Variants in IGFN1 observed in about 807,000 individuals in gnomAD.
IGFN1 encodes immunoglobulin like and fibronectin type III domain containing 1, also known as immunoglobulin-like and fibronectin type III domain-containing protein 1.
In IGFN1, 253 loss-of-function variants were observed where a neutral mutation model predicts 289.5. That is an observed-to-expected ratio of 0.87 (90% confidence interval 0.79 to 0.97). The LOEUF (loss-of-function observed/expected upper bound fraction) is 0.97. Ranked by LOEUF, IGFN1 falls within the 50% of genes least tolerant of loss-of-function variation. The probability of loss-of-function intolerance (pLI) is 0.00; values close to 1 mark genes in which losing one functional copy is unlikely to be tolerated. For synonymous variants in IGFN1, 1,706 were observed against 1,788.5 expected (o/e 0.95, Z 1.16); for missense variants, 4,470 against 4,686.1 (o/e 0.95, Z 1.35).
Position 201,227,101 on chromosome 1 carries a change from G to T in IGFN1, c.11006G>T (p.Cys3669Phe). The change falls in exon 23 of 24, where the codon TGC becomes TTC. Residue 3669 changes from cysteine (C) to phenylalanine (F), a missense_variant. This residue lies in a region of IGFN1 where 2,218 missense variants were observed against 2,114.1 expected (regional missense o/e 1.05). Transcript: ENST00000335211. ...TACAGCACTGACCTGCTGGGCGTGT[G>T]CTCCCTCACCATCCCCAGCGTATCC... ...AVYSTDLLGV[C>F]SLTIPSVSPK... The T allele has an allele frequency of 6.2e-7, 1 of 1,613,572 alleles. No individual in the cohort carries two copies. The highest frequency in any genetic ancestry group is 8.5e-7 in the Non-Finnish European group (1 of 1,180,020).
Position 201,194,190 on chromosome 1 carries a change from T to C in IGFN1, c.44T>C (p.Ile15Thr). The stretch of plus-strand genomic sequence containing the variant: ...AAGTCCCACATCCCTGGAGTGAGCA[T>C]CTGGCAGCTGGTGGAGGAGATCCCT... ...LRKSHIPGVSIWQLVEEIPEG... is the reference protein window; with the variant it reads ...LRKSHIPGVSTWQLVEEIPEG... Residue 15 changes from isoleucine to threonine, a missense_variant, in exon 3 of 24, where the codon ATC becomes ACC. Physicochemically the swap from Ile to Thr is moderately conservative, Grantham distance 89. Transcript: ENST00000335211. The C allele has an allele frequency of 6.4e-7, 1 of 1,551,624 alleles. No individual in the cohort carries two copies. The highest frequency in any genetic ancestry group is 8.7e-7 in the Non-Finnish European group (1 of 1,146,956).
chr1:201,227,761 A>C (rs140759477), intron 23 of IGFN1, among the ~76,000 whole-genome samples: 1 of 152,172 alleles, frequency 6.6e-6, no homozygotes, highest in East Asian at 1.9e-4. Context: ...AGGTATTTGA[A>C]CTTGGTGAGC....
At position 201,215,148 on chromosome 1, in the gene IGFN1, G is replaced by A. The variant is rs189723461; in HGVS notation, c.8989G>A (p.Val2997Ile). The A allele has an allele frequency of 6.3e-5, 101 of 1,612,624 alleles. No homozygotes were observed. The East Asian group carries it at 1.4e-3, about 23-fold the overall frequency. Residue 2997 changes from valine to isoleucine, a missense_variant, in exon 14 of 24, where the codon GTC becomes ATC. Coordinates refer to ENST00000335211, the MANE Select transcript of IGFN1 (RefSeq NM_001164586.2). The part of the protein sequence containing the change: ...GDQQSEATLT[V>I]QDSPTIAPDV... ...CCAGCAGAGCGAGGCCACCCTGACC[G>A]TCCAGGGTAAGGCCCAGCCCTGCCC... is the stretch of plus-strand genomic sequence containing the variant.
At chr1:201,199,450 C>A in intron 6 of IGFN1, 72 bp downstream of exon 6, 2 of 1,471,888 alleles carry the variant, frequency 1.4e-6, no homozygotes, top group South Asian at 2.4e-5. Flanking sequence ...GTGTTCCCTG[C>A]CTGGTTGAGC....
chr1:201,201,897 G>C (rs964980605), intron 9 of IGFN1, 65 bp downstream of exon 9: 7 of 793,294 alleles, frequency 8.8e-6, no homozygotes, highest in Non-Finnish European at 1.5e-5. Flanking sequence ...AGTGGAGAGG[G>C]AACTATGGGT....
At position 201,217,414 on chromosome 1, in the gene IGFN1, G is replaced by C; in HGVS notation, c.9723G>C (p.Lys3241Asn). The part of the protein sequence containing the change: ...HILGYLIERR[K>N]KGSNTWTAVN... ...TGGGCTACCTGATCGAGAGGCGTAA[G>C]AAGGGGAGCAACACCTGGACGGCAG... The change falls in exon 17 of 24, where the codon AAG becomes AAC. Residue 3241 changes from lysine (K) to asparagine (N), a missense_variant. This residue lies in a region of IGFN1 where 2,218 missense variants were observed against 2,114.1 expected (regional missense o/e 1.05). Coordinates refer to ENST00000335211, the MANE Select transcript of IGFN1 (RefSeq NM_001164586.2). The C allele has an allele frequency of 6.2e-7, 1 of 1,614,226 alleles. No homozygotes were observed.
intron 20 of IGFN1, among the ~76,000 whole-genome samples, chr1:201,223,569 C>T (rs1653889374): frequency 6.6e-6 from 1 of 152,082 alleles, no homozygotes; most frequent in Non-Finnish European, 1.5e-5. Context: ...TGGGGTTTCG[C>T]CGTGTTGGCC....
At chr1:201,194,727 A>G (rs906218462) in intron 3 of IGFN1, among the ~76,000 whole-genome samples, 1 of 152,232 alleles carries the variant, frequency 6.6e-6, no homozygotes, top group African/African-American at 2.4e-5. Context: ...CTAGAAGGCC[A>G]CATAAGAAGG....
At chr1:201,198,413 G>A (rs1667004943) in intron 5 of IGFN1, among the ~76,000 whole-genome samples, 1 of 152,098 alleles carries the variant, frequency 6.6e-6, no homozygotes, top group Non-Finnish European at 1.5e-5. Context: ...TGGGATTACA[G>A]GCATGAGCCA....
chr1:201,221,656 G>C lies in IGFN1; in HGVS notation c.10111G>C (p.Gly3371Arg). The change falls in exon 19 of 24, where the codon GGC (glycine) becomes CGC (arginine). Residue 3371 changes from glycine (G) to arginine (R), a missense_variant. By Grantham distance (125) the Gly-to-Arg change is moderately radical. Coordinates refer to ENST00000335211, the MANE Select transcript of IGFN1 (RefSeq NM_001164586.2). ...GGCCAAGGGGCTTCGGCCTGGAGAG[G>C]GCTACTTCGTGCGGGTGACAGCAGT... ...YTAKGLRPGE[G>R]YFVRVTAVNE... The C allele has an allele frequency of 6.2e-7, 1 of 1,614,180 alleles. No homozygotes were observed. Among genetic ancestry groups the C allele is most frequent in the Middle Eastern group, 1.6e-4 (1 of 6,062 alleles).
chr1:201,191,383 G>A (rs12137704), intron 1 of IGFN1, among the ~76,000 whole-genome samples: 7,308 of 152,214 alleles, frequency 0.048, 231 homozygotes, highest in Middle Eastern at 0.13. Flanking sequence ...GGATGGATCC[G>A]GGGAGGGTAG....
chr1:201,215,901 C>T (rs1653223777), intron 15 of IGFN1, 63 bp downstream of exon 15: 2 of 1,495,480 alleles, frequency 1.3e-6, no homozygotes, highest in Middle Eastern at 1.7e-4. Flanking sequence ...GCCCTCCCTG[C>T]CATCAAGGGC....
chr1:201,226,936 C>T lies in IGFN1; in HGVS notation c.10841C>T (p.Pro3614Leu). ...CYREPDLSQK[P>L]RFLVGLRSHL... ...CGGGAGCCCGACCTGAGCCAGAAGC[C>T]CCGGTTCCTGGTGGGCCTGCGGTCC... The change falls in exon 23 of 24, where the codon CCC (proline) becomes CTC (leucine). Residue 3614 changes from proline to leucine, a missense_variant. Pro to Leu is a moderately conservative substitution (Grantham distance 98). Coordinates refer to ENST00000335211, the MANE Select transcript of IGFN1 (RefSeq NM_001164586.2). The T allele has an allele frequency of 6.2e-7, 1 of 1,611,158 alleles. No homozygotes were observed. The highest frequency in any genetic ancestry group is 8.5e-7 in the Non-Finnish European group (1 of 1,178,734).
chr1:201,206,560 C>T lies in IGFN1; in HGVS notation c.1667C>T (p.Ala556Val). Reference sequence around the variant, plus strand: ...AACAGTGATGAATGCTGGAGGAAAGCAGGAGGCTGGGAGGCTGGGTCCAGT... The same window carrying T: ...AACAGTGATGAATGCTGGAGGAAAGTAGGAGGCTGGGAGGCTGGGTCCAGT... ...DSNSDECWRK[A>V]GGWEAGSSRL... Residue 556 changes from alanine (A) to valine (V), a missense_variant, in exon 12 of 24, where the codon GCA (alanine) becomes GTA (valine). Transcript: ENST00000335211. 1 of 1,550,576 alleles carries T rather than the reference C, an allele frequency of 6.4e-7. No individual in the cohort carries two copies. The highest frequency in any genetic ancestry group is 8.7e-7 in the Non-Finnish European group (1 of 1,147,000).
In IGFN1 at chr1:201,207,300, T is replaced by C. The variant is rs909965228; in HGVS notation, c.2407T>C (p.Ser803Pro). 5 of 1,536,506 alleles carry C rather than the reference T, an allele frequency of 3.3e-6. No individual in the cohort carries two copies. Among genetic ancestry groups the C allele is most frequent in the Non-Finnish European group, 4.4e-6 (5 of 1,146,886 alleles). ...GGATGGCCAGGAAACAGCTTGGGCC[T>C]CGGGTGAGGTAGAGTATGACCCCAG... The part of the protein sequence containing the change: ...GRDGQETAWA[S>P]GEVEYDPRSF... Residue 803 changes from serine (S) to proline (P), a missense_variant, in exon 12 of 24, where the codon TCG becomes CCG. Transcript: ENST00000335211.
rs1410969282 is a variant in IGFN1 at position 201,228,841 on chromosome 1, G to A, written c.*442G>A. ...ACCTGGGTGAGGACTAGGGCATCAA[G>A]GTCGTGTGTGTGGGTGGGGGCAGCC... On this transcript the variant is annotated 3_prime_UTR_variant, in exon 24 of 24. Coordinates refer to ENST00000335211, the MANE Select transcript of IGFN1 (RefSeq NM_001164586.2). 1 of 173,930 alleles carries A rather than the reference G, an allele frequency of 5.7e-6. No homozygotes were observed. Among genetic ancestry groups the A allele is most frequent in the African/African-American group, 2.4e-5 (1 of 41,986 alleles). The allele number at this position is 173,930 out of a possible 1,614,324, so 10.8% of individuals were successfully genotyped here.
Position 201,209,429 on chromosome 1 carries a change from T to C in IGFN1, c.4536T>C (p.Gly1512=). Residue 1512 remains glycine (G), a synonymous_variant, in exon 12 of 24, where the codon GGT becomes GGC. Coordinates refer to ENST00000335211, the MANE Select transcript of IGFN1 (RefSeq NM_001164586.2). The stretch of plus-strand genomic sequence containing the variant: ...GAGGGGGTTCAGGGAGCAAAGCAGG[T>C]TATAGGGGTGGCTTAGGTTCTGGGG... ...SEGGGSGSKA[G]YRGGLGSGEM... The C allele has an allele frequency of 6.5e-7, 1 of 1,535,190 alleles. No homozygotes were observed. The highest frequency in any genetic ancestry group is 8.7e-7 in the Non-Finnish European group (1 of 1,146,004).
Position 201,224,752 on chromosome 1 carries a change from AG to A in IGFN1, c.10366del (p.Asp3456MetfsTer7), listed in dbSNP as rs757845976. The A allele has an allele frequency of 6.2e-7, 1 of 1,614,180 alleles. No individual in the cohort carries two copies. The highest frequency in any genetic ancestry group is 1.1e-5 in the South Asian group (1 of 91,082). On this transcript the variant is annotated frameshift_variant, in exon 21 of 24. Transcript: ENST00000335211. LOFTEE classifies it high-confidence loss of function. ...CCCAAAAGAAGTGTGACTGTCACTAAGGATGGCCTCACCCAGCTTCTGATCC... is the reference window on the plus strand; with the variant it reads ...CCCAAAAGAAGTGTGACTGTCACTAAGATGGCCTCACCCAGCTTCTGATCC... ...PLPKRSVTVT[K>X]DGLTQLLIPV... is the part of the protein sequence containing the mutation.
At position 201,207,249 on chromosome 1, in the gene IGFN1, G is replaced by C; in HGVS notation, c.2356G>C (p.Gly786Arg). ...CCCAGGAGACCCCAGAGGCTGCGAAGGTGTCCTACAGGAGCTCAGGGGAAG... is the reference window on the plus strand; with the variant it reads ...CCCAGGAGACCCCAGAGGCTGCGAACGTGTCCTACAGGAGCTCAGGGGAAG... ...GGPGDPRGCE[G>R]VLQELRGRDG... The change falls in exon 12 of 24, where the codon GGT (glycine) becomes CGT (arginine). Residue 786 changes from glycine (G) to arginine (R), a missense_variant. Gly to Arg is a moderately radical substitution (Grantham distance 125). Coordinates refer to ENST00000335211, the MANE Select transcript of IGFN1 (RefSeq NM_001164586.2). 1.3e-6 allele frequency: 2 copies of C among 1,536,774 alleles called. No individual in the cohort carries two copies. The highest frequency in any genetic ancestry group is 8.7e-7 in the Non-Finnish European group (1 of 1,146,884).
Sources: gnomAD v4.1 joint callset for allele counts (sites outside exome capture counted in the v4.1 genomes callset) on GRCh38, gnomAD v4.1.1 for gene constraint, gnomAD v4.1.1 regional missense constraint, MANE v1.5 for transcripts, NCBI Gene and HGNC (gene_info 2026-07-23, HGNC 2026-07-21) for gene names.